The following AXDND1 variants were observed in gnomAD, a reference collection of about 807,000 sequenced individuals.
AXDND1 encodes the protein axonemal dynein light chain domain containing 1.
In AXDND1, 110 loss-of-function variants were observed where a neutral mutation model predicts 137.5. The ratio of observed to expected loss-of-function variants is 0.80; its 90% confidence interval spans 0.69 to 0.94. The LOEUF (loss-of-function observed/expected upper bound fraction) is 0.94, where lower values mean the gene tolerates loss of function less well. AXDND1 is among the 40% of genes least tolerant of loss of function. The pLI, the probability that AXDND1 is intolerant of heterozygous loss-of-function variation, is 0.00. For missense variants in AXDND1, 1,191 were observed against 1,169.8 expected, an observed-to-expected ratio of 1.02 and a Z score of -0.26; for synonymous variants, 414 against 399.7, an observed-to-expected ratio of 1.04 and a Z score of -0.43.
intron 18 of AXDND1, among the ~76,000 whole-genome samples, chr1:179,486,135 A>C (rs986610904): frequency 3.4e-5 from 4 of 118,904 alleles, no homozygotes; most frequent in African/African-American, 6.0e-5. Context: ...AAAAAAAAAA[A>C]AAAAAACCTG....
chr1:179,411,185 A>G lies in AXDND1; in HGVS notation c.1149A>G (p.Arg383=). The part of the protein sequence containing the change: ...EEYHDLYTLQ[R]ERMENDMKKL... ...ATCATGACTTATATACATTACAAAGAGAAAGGATGGAGAATGATATGAAAA... is the reference window on the plus strand; with the variant it reads ...ATCATGACTTATATACATTACAAAGGGAAAGGATGGAGAATGATATGAAAA... The change falls in exon 12 of 26, where the codon AGA becomes AGG. Residue 383 remains arginine (R), a synonymous_variant. Coordinates refer to ENST00000367618, the MANE Select transcript of AXDND1 (RefSeq NM_144696.6). 1 of 1,611,526 alleles carries G rather than the reference A, an allele frequency of 6.2e-7. No individual in the cohort carries two copies. Among genetic ancestry groups the G allele is most frequent in the Non-Finnish European group, 8.5e-7 (1 of 1,178,812 alleles).
chr1:179,527,457 C>A (rs567114698), intron 22 of AXDND1, among the ~76,000 whole-genome samples: 31 of 152,210 alleles, frequency 2.0e-4, no homozygotes, highest in Non-Finnish European at 4.4e-4. Context: ...CTCATTGTAC[C>A]CAGCTACTCT....
chr1:179,537,431 T>G (rs919412765), intron 25 of AXDND1, among the ~76,000 whole-genome samples: 3 of 152,224 alleles, frequency 2.0e-5, no homozygotes, highest in African/African-American at 7.2e-5. Context: ...GAAGGCCTTT[T>G]CTGCATCTAT....
At chr1:179,484,564 C>A (rs755630706) in intron 18 of AXDND1, among the ~76,000 whole-genome samples, 1 of 152,114 alleles carries the variant, frequency 6.6e-6, no homozygotes, top group African/African-American at 2.4e-5. Flanking sequence ...GCAGACCATG[C>A]CTGACCATTG....
chr1:179,508,274 T>A (rs1045796514), intron 20 of AXDND1, among the ~76,000 whole-genome samples: 3 of 151,182 alleles, frequency 2.0e-5, no homozygotes, highest in Admixed American at 6.6e-5. Flanking sequence ...GGGTCGAGGC[T>A]GCAGTGAGCT....
intron 25 of AXDND1, among the ~76,000 whole-genome samples, chr1:179,549,297 C>A (rs1192102077): frequency 3.3e-5 from 5 of 152,170 alleles, no homozygotes; most frequent in African/African-American, 1.2e-4. Context: ...TTCACCTAAA[C>A]ACAGTTTTAT....
chr1:179,391,104 A>ACTT (rs963204674), intron 9 of AXDND1, among the ~76,000 whole-genome samples: 7 of 94,338 alleles, frequency 7.4e-5, no homozygotes, highest in Admixed American at 3.6e-4. Flanking sequence ...CTGAGGCCAG[A>ACTT]CTTCTTCTTT....
intron 11 of AXDND1, among the ~76,000 whole-genome samples, chr1:179,401,901 A>G (rs145304306): frequency 1.3e-3 from 197 of 152,082 alleles, no homozygotes; most frequent in Middle Eastern, 6.8e-3. Context: ...GGGCCGGGCA[A>G]GGTGGCTCAA....
chr1:179,490,725 T>TC (rs1164048474), intron 18 of AXDND1, among the ~76,000 whole-genome samples: 5 of 151,884 alleles, frequency 3.3e-5, no homozygotes, highest in African/African-American at 1.2e-4. Flanking sequence ...GTTACCACCT[T>TC]CATTTCCTGT....
chr1:179,484,654 A>G (rs1469545390), intron 18 of AXDND1, among the ~76,000 whole-genome samples: 1 of 152,018 alleles, frequency 6.6e-6, no homozygotes, highest in African/African-American at 2.4e-5. Flanking sequence ...CCCCCATGCC[A>G]TTTGCCAGTG....
At chr1:179,513,470 A>G (rs571037236) in intron 21 of AXDND1, among the ~76,000 whole-genome samples, 11 of 152,120 alleles carry the variant, frequency 7.2e-5, no homozygotes, top group Non-Finnish European at 1.2e-4. Flanking sequence ...GTTAGCGAGT[A>G]TTTTGTTAAA....
chr1:179,484,685 C>A (rs36068644), intron 18 of AXDND1, among the ~76,000 whole-genome samples: 21,007 of 152,174 alleles, frequency 0.14, 1,595 homozygotes, highest in East Asian at 0.35. Flanking sequence ...CATGACCACC[C>A]CCTACATTGC....
At chr1:179,432,429 CTT>C (rs10706073) in intron 15 of AXDND1, 87 bp downstream of exon 15, 31,407 of 991,162 alleles carry the variant, frequency 0.032, 17 homozygotes, top group East Asian at 0.067. Context: ...ACATCCCATC[CTT>C]TTTTTTTTTT....
chr1:179,488,956 A>G (rs1480664142), intron 18 of AXDND1, among the ~76,000 whole-genome samples: 2 of 145,026 alleles, frequency 1.4e-5, no homozygotes, highest in African/African-American at 5.4e-5. Context: ...GCTGGTCTTG[A>G]ACTCCTGACC....
At chr1:179,388,521 T>C (rs1364693211) in intron 9 of AXDND1, among the ~76,000 whole-genome samples, 1 of 152,222 alleles carries the variant, frequency 6.6e-6, no homozygotes, top group South Asian at 2.1e-4. Context: ...AGGACATTAC[T>C]GTCTTCTCTA....
intron 16 of AXDND1, among the ~76,000 whole-genome samples, chr1:179,466,817 A>T (rs1305269141): frequency 6.6e-6 from 1 of 152,152 alleles, no homozygotes; most frequent in East Asian, 1.9e-4. Context: ...ATTACATAAG[A>T]AGGATTTTAC....
chr1:179,502,575 A>AAG (rs1184951996), intron 20 of AXDND1, among the ~76,000 whole-genome samples: 59 of 148,852 alleles, frequency 4.0e-4, no homozygotes, highest in African/African-American at 1.5e-3. Flanking sequence ...AAAAAAAAAA[A>AAG]AAAAAAAAAA....
At chr1:179,375,100 A>T (rs1026091683) in intron 4 of AXDND1, among the ~76,000 whole-genome samples, 14 of 148,926 alleles carry the variant, frequency 9.4e-5, no homozygotes, top group East Asian at 3.9e-4. Flanking sequence ...TTTATTAATA[A>T]AAAAAAAATT....
At chr1:179,510,283 C>G (rs1464897179) in intron 21 of AXDND1, among the ~76,000 whole-genome samples, 1 of 152,086 alleles carries the variant, frequency 6.6e-6, no homozygotes, top group Non-Finnish European at 1.5e-5. Flanking sequence ...ACAAACTCAA[C>G]TCTTGTTTGT....
Sources: gnomAD v4.1 joint callset for allele counts (sites outside exome capture counted in the v4.1 genomes callset) on GRCh38, gnomAD v4.1.1 for gene constraint, MANE v1.5 for transcripts, NCBI Gene and HGNC (gene_info 2026-07-23, HGNC 2026-07-21) for gene names.